The following SCN9A variants were observed in gnomAD, a reference collection of about 807,000 sequenced individuals.
The protein encoded by SCN9A is sodium voltage-gated channel alpha subunit 9, also known as sodium channel protein type 9 subunit alpha.
A neutral mutation model predicts 187.0 loss-of-function variants in SCN9A; 131 were observed. The observed-to-expected ratio is 0.70, with a 90% CI of 0.61 to 0.81. The LOEUF (loss-of-function observed/expected upper bound fraction) is 0.81. Among genes scored for constraint, SCN9A ranks in the 30% least tolerant of loss-of-function variants. The probability of loss-of-function intolerance (pLI) is 0.00; values close to 1 mark genes in which losing one functional copy is unlikely to be tolerated. For synonymous variants in SCN9A, 809 were observed against 808.6 expected (o/e 1.00, Z -0.01); for missense variants, 2,252 against 2,396.6 (o/e 0.94, Z 1.26).
intron 24 of SCN9A, among the ~76,000 whole-genome samples, chr2:166,210,652 A>C (rs544325436): frequency 6.7e-6 from 1 of 149,654 alleles, no homozygotes; most frequent in East Asian, 1.9e-4. Flanking sequence ...ATCACAGAGA[A>C]GACAGAAAGG....
intron 1 of SCN9A, among the ~76,000 whole-genome samples, chr2:166,331,887 A>G (rs1699512901): frequency 6.6e-6 from 1 of 152,092 alleles, no homozygotes; most frequent in Non-Finnish European, 1.5e-5. Flanking sequence ...ATATGATATG[A>G]CCTAATTATA....
chr2:166,334,341 T>C (rs997865043), intron 1 of SCN9A, among the ~76,000 whole-genome samples: 2 of 152,132 alleles, frequency 1.3e-5, no homozygotes, highest in African/African-American at 4.8e-5. Context: ...TGATATCAGA[T>C]GCTGTTTGAG....
chr2:166,334,787 T>A (rs1490955155), intron 1 of SCN9A, among the ~76,000 whole-genome samples: 4 of 152,170 alleles, frequency 2.6e-5, no homozygotes, highest in African/African-American at 7.2e-5. Flanking sequence ...ACTTACAATT[T>A]TGCATTAAAA....
chr2:166,327,237 G>C (rs1699386352), intron 1 of SCN9A, among the ~76,000 whole-genome samples: 1 of 152,072 alleles, frequency 6.6e-6, no homozygotes, highest in Admixed American at 6.6e-5. Flanking sequence ...CGGCTCACTG[G>C]AGCATCATCC....
intron 9 of SCN9A, among the ~76,000 whole-genome samples, chr2:166,292,504 A>C (rs950481797): frequency 6.6e-6 from 1 of 151,592 alleles, no homozygotes; most frequent in African/African-American, 2.4e-5. Flanking sequence ...AAATAAAGTA[A>C]ATATAAAATA....
intron 8 of SCN9A, among the ~76,000 whole-genome samples, chr2:166,294,373 T>A (rs1201433018): frequency 1.3e-5 from 2 of 152,204 alleles, no homozygotes; most frequent in Non-Finnish European, 2.9e-5. Flanking sequence ...TTATATGACT[T>A]CTGTCTTGTG....
chr2:166,368,260 C>A (rs1302698138), intron 1 of SCN9A, among the ~76,000 whole-genome samples: 2 of 152,126 alleles, frequency 1.3e-5, no homozygotes, highest in Non-Finnish European at 2.9e-5. Context: ...AGGAGACGTC[C>A]ATACATAAGA....
intron 6 of SCN9A, 52 bp downstream of exon 6, chr2:166,304,186 C>A: frequency 6.2e-7 from 1 of 1,607,838 alleles, no homozygotes; most frequent in Non-Finnish European, 8.5e-7. Context: ...GAACAACTCC[C>A]AAATAGTTGG....
chr2:166,330,859 G>A (rs1320769089), intron 1 of SCN9A, among the ~76,000 whole-genome samples: 1 of 152,136 alleles, frequency 6.6e-6, no homozygotes, highest in Non-Finnish European at 1.5e-5. Context: ...CTGCTGTGCA[G>A]CCTGGTTCCT....
At position 166,317,874 on chromosome 2, in the gene SCN9A, A is replaced by G. The variant is rs574887579; in HGVS notation, c.-50-6068T>C. Among the ~76,000 whole-genome samples the G allele has an allele frequency of 5.3e-5, 8 of 152,330 alleles. No individual in the cohort carries two copies. In the South Asian group the frequency reaches 1.7e-3, roughly 32 times the overall value. On this transcript the variant is annotated intron_variant, in intron 1 of 26. Transcript: ENST00000642356. ...CCAGAGGAAGACAAAAAAAGTTATCATAAATCATAAGATTACCCTAGTGAG... is the reference window on the plus strand; with the variant it reads ...CCAGAGGAAGACAAAAAAAGTTATCGTAAATCATAAGATTACCCTAGTGAG...
chr2:166,299,286 A>G (rs964634268), intron 7 of SCN9A, among the ~76,000 whole-genome samples: 4 of 148,336 alleles, frequency 2.7e-5, no homozygotes, highest in Non-Finnish European at 4.4e-5. Flanking sequence ...TTGTCTACAC[A>G]TATTACCTTC....
Position 166,210,578 on chromosome 2 carries a change from T to TA in SCN9A, c.4399-6115dup, listed in dbSNP as rs1191573027. Among the ~76,000 whole-genome samples the TA allele has an allele frequency of 3.3e-3, 266 of 79,874 alleles. 1 individual carries two copies. Among genetic ancestry groups the TA allele is most frequent in the African/African-American group, 9.6e-3 (202 of 20,970 alleles). The allele number at this position is 79,874 out of a possible 152,430, so 52.4% of individuals were successfully genotyped here. On this transcript the variant is annotated intron_variant, in intron 24 of 26. Coordinates refer to ENST00000642356, the MANE Select transcript of SCN9A (RefSeq NM_001365536.1). ...ATCCAGTCAGTGGAGCAAGAAGAAA[T>TA]AAAAAAAAAAATGAGTGAAGGTTCA...
intron 19 of SCN9A, among the ~76,000 whole-genome samples, chr2:166,241,087 G>A (rs1300502139): frequency 6.6e-6 from 1 of 152,090 alleles, no homozygotes; most frequent in Non-Finnish European, 1.5e-5. Flanking sequence ...CATATCTTCT[G>A]CCAGCATCCA....
chr2:166,213,634 C>T (rs374806346), intron 24 of SCN9A, among the ~76,000 whole-genome samples: 17 of 152,146 alleles, frequency 1.1e-4, no homozygotes, highest in East Asian at 7.7e-4. Flanking sequence ...AAGAACACTT[C>T]GAAAGTCATT....
chr2:166,263,700 T>C (rs908756261), intron 17 of SCN9A, among the ~76,000 whole-genome samples: 3 of 152,036 alleles, frequency 2.0e-5, no homozygotes, highest in Admixed American at 1.3e-4. Flanking sequence ...TTTGGAAATA[T>C]GGTCTTTGCA....
chr2:166,217,374 TA>T (rs1441407726), intron 24 of SCN9A, among the ~76,000 whole-genome samples: 3 of 151,982 alleles, frequency 2.0e-5, no homozygotes, highest in African/African-American at 7.2e-5. Context: ...TAGATCAAAC[TA>T]AAAATGTTCT....
intron 24 of SCN9A, 64 bp downstream of exon 24, chr2:166,226,503 T>G: frequency 8.6e-7 from 1 of 1,166,330 alleles, no homozygotes; most frequent in Non-Finnish European, 1.2e-6. Context: ...AACTTTACAT[T>G]ATCTTTTTTG....
At chr2:166,338,015 A>G (rs1281642418) in intron 1 of SCN9A, among the ~76,000 whole-genome samples, 2 of 152,134 alleles carry the variant, frequency 1.3e-5, no homozygotes, top group Non-Finnish European at 2.9e-5. Flanking sequence ...TCTATGGACT[A>G]CTTGGCAGCA....
At chr2:166,208,491 G>T (rs984819851) in intron 24 of SCN9A, among the ~76,000 whole-genome samples, 3 of 151,800 alleles carry the variant, frequency 2.0e-5, no homozygotes, top group Non-Finnish European at 2.9e-5. Flanking sequence ...ATGAAATGAG[G>T]TTATTGTTAA....
Sources: allele counts gnomAD v4.1 joint callset (sites outside exome capture counted in the v4.1 genomes callset), GRCh38; gene constraint gnomAD v4.1.1; transcripts MANE v1.5; gene names NCBI Gene and HGNC (gene_info 2026-07-23, HGNC 2026-07-21).